The following PLCE1 variants were observed in gnomAD, a reference collection of about 807,000 sequenced individuals.
The protein encoded by PLCE1 is 1-phosphatidylinositol 4,5-bisphosphate phosphodiesterase epsilon-1.
A neutral mutation model predicts 242.8 loss-of-function variants in PLCE1; 119 were observed. That is an observed-to-expected ratio of 0.49 (90% CI 0.42 to 0.57). PLCE1 has a LOEUF of 0.57. Ranked by LOEUF, PLCE1 falls within the 20% of genes least tolerant of loss-of-function variation. PLCE1 has a pLI of 0.00. For synonymous variants in PLCE1, 945 were observed against 1,017.4 expected (o/e 0.93, Z 1.35); for missense variants, 2,441 against 2,788.8 (o/e 0.88, Z 2.81).
intron 5 of PLCE1, among the ~76,000 whole-genome samples, chr10:94,231,591 TAA>T (rs35911886): frequency 7.6e-6 from 1 of 130,756 alleles, no homozygotes; most frequent in Non-Finnish European, 1.6e-5. Flanking sequence ...TAAGGCTGTA[TAA>T]AAAAAAAAAA....
chr10:94,157,481 C>T (rs1370525196), intron 3 of PLCE1, among the ~76,000 whole-genome samples: 1 of 152,154 alleles, frequency 6.6e-6, no homozygotes, highest in Non-Finnish European at 1.5e-5. Context: ...CCCAAGATCC[C>T]ACTCTACTTC....
At chr10:94,174,455 T>C (rs1053353370) in intron 4 of PLCE1, among the ~76,000 whole-genome samples, 3 of 152,142 alleles carry the variant, frequency 2.0e-5, no homozygotes, top group East Asian at 1.9e-4. Context: ...TGATGAGAAA[T>C]AGGACATTTG....
At position 94,171,416 on chromosome 10, in the gene PLCE1, GCATC is replaced by G; in HGVS notation, c.1734_1737del (p.Ile579GlnfsTer19). On this transcript the variant is annotated frameshift_variant, in exon 4 of 33. Coordinates refer to ENST00000371380, the MANE Select transcript of PLCE1 (RefSeq NM_016341.4). LOFTEE classifies it high-confidence loss of function. ...CCAGAGCTCCTTGCCCTGCCTCAAA[GCATC>G]CATCTCAGCGTCGATTCTTACCACT... The G allele has an allele frequency of 6.2e-7, 1 of 1,614,184 alleles. No homozygotes were observed. The highest frequency in any genetic ancestry group is 8.5e-7 in the Non-Finnish European group (1 of 1,180,020).
intron 29 of PLCE1, among the ~76,000 whole-genome samples, chr10:94,317,460 C>G (rs1245296249): frequency 2.6e-5 from 4 of 152,146 alleles, no homozygotes; most frequent in South Asian, 2.1e-4. Flanking sequence ...CAGGTATTTT[C>G]TATTCTGGGG....
intron 4 of PLCE1, among the ~76,000 whole-genome samples, chr10:94,213,524 G>A (rs1047562730): frequency 6.6e-6 from 1 of 152,152 alleles, no homozygotes; most frequent in African/African-American, 2.4e-5. Context: ...TCCTCAGAGA[G>A]CCCTGACCCA....
rs1464907685 is a variant in PLCE1 at position 94,327,998 on chromosome 10, T to C, written c.*55T>C. 9.4e-6 allele frequency: 5 copies of C among 531,846 alleles called. No homozygotes were observed. Among genetic ancestry groups the C allele is most frequent in the South Asian group, 2.8e-5 (2 of 71,238 alleles). The allele number at this position is 531,846 out of a possible 1,614,324, so 32.9% of individuals were successfully genotyped here. ...GATCTTTAAGCAAGAAGTTAAAGAG[T>C]GAACATGGTGGAAAAAATATAATTA... On this transcript the variant is annotated 3_prime_UTR_variant, in exon 33 of 33. Transcript: ENST00000371380.
intron 4 of PLCE1, among the ~76,000 whole-genome samples, chr10:94,217,557 A>G (rs1329572225): frequency 6.6e-6 from 1 of 152,236 alleles, no homozygotes; most frequent in Non-Finnish European, 1.5e-5. Context: ...TGGCTTCACA[A>G]GGAATGATCC....
intron 2 of PLCE1, among the ~76,000 whole-genome samples, chr10:94,048,493 A>C (rs900903315): frequency 2.6e-5 from 4 of 151,894 alleles, no homozygotes; most frequent in Non-Finnish European, 5.9e-5. Flanking sequence ...TGGATTAAAA[A>C]ATATTTCTTT....
At chr10:94,247,141 T>A (rs1383560195) in intron 8 of PLCE1, among the ~76,000 whole-genome samples, 3 of 146,416 alleles carry the variant, frequency 2.0e-5, no homozygotes, top group Non-Finnish European at 4.5e-5. Flanking sequence ...AAAGTTAATA[T>A]GTGTAAAGCC....
chr10:94,024,119 G>A (rs556426343), intron 1 of PLCE1, among the ~76,000 whole-genome samples: 166 of 152,304 alleles, frequency 1.1e-3, no homozygotes, highest in African/African-American at 2.5e-3. Context: ...CATGTGCACC[G>A]TGTGCACGTG....
At chr10:94,265,743 G>A (rs778112229) in intron 15 of PLCE1, 35 bp downstream of exon 15, 7 of 1,613,084 alleles carry the variant, frequency 4.3e-6, no homozygotes, top group Non-Finnish European at 5.9e-6. Context: ...CATCTTTTAA[G>A]AGTAGATGCA....
chr10:94,127,011 C>T (rs1210946431), intron 2 of PLCE1, among the ~76,000 whole-genome samples: 1 of 152,186 alleles, frequency 6.6e-6, no homozygotes, highest in Non-Finnish European at 1.5e-5. Flanking sequence ...GGCATAGCCT[C>T]TTACTAGGTG....
At chr10:94,021,797 C>T (rs941070643) in intron 1 of PLCE1, among the ~76,000 whole-genome samples, 4 of 151,918 alleles carry the variant, frequency 2.6e-5, no homozygotes. Context: ...CGATGTTAAC[C>T]TATTAAGAGA....
intron 2 of PLCE1, chr10:94,107,603 G>T (rs1441204561): frequency 6.6e-6 from 1 of 152,130 alleles, no homozygotes; most frequent in Non-Finnish European, 1.5e-5. Flanking sequence ...TGAAAAGATG[G>T]ACAATTTAAA....
chr10:94,291,291 G>A (rs1006179000), intron 22 of PLCE1, among the ~76,000 whole-genome samples: 1 of 152,090 alleles, frequency 6.6e-6, no homozygotes, highest in Non-Finnish European at 1.5e-5. Context: ...ATCTGGTTCT[G>A]GAGTTGGTGT....
chr10:94,200,034 C>G (rs2048944753), intron 4 of PLCE1, among the ~76,000 whole-genome samples: 1 of 152,172 alleles, frequency 6.6e-6, no homozygotes, highest in Admixed American at 6.5e-5. Flanking sequence ...CAAACGTTAC[C>G]TCCTTAACAT....
At chr10:94,170,144 C>A (rs975666574) in intron 3 of PLCE1, among the ~76,000 whole-genome samples, 2 of 152,136 alleles carry the variant, frequency 1.3e-5, no homozygotes, top group Non-Finnish European at 2.9e-5. Flanking sequence ...GTCATCCTTA[C>A]GAACTTTGCT....
intron 2 of PLCE1, among the ~76,000 whole-genome samples, chr10:94,083,645 AG>A (rs1329405230): frequency 6.6e-6 from 1 of 152,192 alleles, no homozygotes; most frequent in African/African-American, 2.4e-5. Flanking sequence ...TTTTCCTGTT[AG>A]GTATAGTGTG....
intron 19 of PLCE1, among the ~76,000 whole-genome samples, chr10:94,278,729 G>A (rs1020842015): frequency 2.0e-5 from 3 of 151,968 alleles, no homozygotes; most frequent in East Asian, 1.9e-4. Flanking sequence ...CTAGGACTTC[G>A]TGACTGTCAT....
Sources: allele counts gnomAD v4.1 joint callset (sites outside exome capture counted in the v4.1 genomes callset), GRCh38; gene constraint gnomAD v4.1.1; transcripts MANE v1.5; gene names NCBI Gene and HGNC (gene_info 2026-07-23, HGNC 2026-07-21).